Variants in CHL1 observed in about 807,000 individuals in gnomAD.
CHL1 encodes cell adhesion molecule L1 like, also known as neural cell adhesion molecule L1-like protein.
A neutral mutation model predicts 141.9 loss-of-function variants in CHL1; 96 were observed. The observed-to-expected ratio is 0.68, with a 90% confidence interval of 0.57 to 0.80. The LOEUF is 0.80. Ranked by LOEUF, CHL1 falls within the 30% of genes least tolerant of loss-of-function variation. The pLI is 0.00. For missense variants in CHL1, 1,820 were observed against 1,457.2 expected (o/e 1.25, Z -4.05); for synonymous variants, 613 against 502.2 (o/e 1.22, Z -2.95).
intron 9 of CHL1, among the ~76,000 whole-genome samples, chr3:348,022 A>G (rs969094619): frequency 3.3e-5 from 5 of 152,222 alleles, no homozygotes; most frequent in Non-Finnish European, 7.3e-5. Context: ...AATACAAATA[A>G]TTTGAGAATA....
intron 2 of CHL1, among the ~76,000 whole-genome samples, chr3:260,596 G>C (rs536340415): frequency 1.3e-5 from 2 of 152,280 alleles, no homozygotes; most frequent in East Asian, 3.9e-4. Flanking sequence ...ACAGGCACTT[G>C]CAGACTGCCA....
intron 5 of CHL1, among the ~76,000 whole-genome samples, chr3:339,180 A>G (rs1702169133): frequency 1.3e-5 from 2 of 152,242 alleles, no homozygotes; most frequent in African/African-American, 2.4e-5. Flanking sequence ...TACAGCGAAT[A>G]AAACTAAATA....
chr3:238,005 G>A (rs331897), intron 1 of CHL1, among the ~76,000 whole-genome samples: 92,469 of 151,952 alleles, frequency 0.61, 30,072 homozygotes, highest in East Asian at 0.9. Flanking sequence ...ACAAAGTATC[G>A]TATTTTTTCT....
intron 2 of CHL1, chr3:247,643 T>G (rs1410647424): frequency 1.3e-5 from 2 of 152,096 alleles, no homozygotes; most frequent in African/African-American, 4.8e-5. Context: ...TTGGCAGTCT[T>G]GCTAAGAGTT....
intron 2 of CHL1, among the ~76,000 whole-genome samples, chr3:318,147 A>G (rs115258984): frequency 1.8e-3 from 276 of 152,008 alleles, no homozygotes; most frequent in African/African-American, 6.1e-3. Flanking sequence ...CTCAAAGTAA[A>G]GCATAAACAG....
intron 2 of CHL1, among the ~76,000 whole-genome samples, chr3:296,966 G>A (rs968709425): frequency 2.6e-5 from 4 of 152,158 alleles, no homozygotes; most frequent in Non-Finnish European, 5.9e-5. Context: ...AGAAAGAAGA[G>A]TGGGGACATC....
Position 354,788 on chromosome 3 carries a change from A to C in CHL1, c.1165+17A>C. The stretch of plus-strand genomic sequence containing the variant: ...CAGTTGACAGTAAGTTTAAAAACCA[A>C]TTGCAATGCAATGCTGAAGGCCCTG... On this transcript the variant is annotated intron_variant, in intron 11 of 27. Transcript: ENST00000256509. 1.2e-6 allele frequency: 2 copies of C among 1,612,706 alleles called. No homozygotes were observed. The highest frequency in any genetic ancestry group is 1.7e-6 in the Non-Finnish European group (2 of 1,179,248).
At chr3:358,202 G>A (rs1386638795) in intron 11 of CHL1, among the ~76,000 whole-genome samples, 1 of 152,134 alleles carries the variant, frequency 6.6e-6, no homozygotes, top group East Asian at 1.9e-4. Flanking sequence ...GGAAGTGCTT[G>A]GAGAGCATTC....
At chr3:359,023 T>C (rs928392987) in intron 11 of CHL1, among the ~76,000 whole-genome samples, 2 of 147,796 alleles carry the variant, frequency 1.4e-5, no homozygotes, top group Non-Finnish European at 3.0e-5. Context: ...TAATAATATA[T>C]ATTTATATCT....
chr3:250,863 G>T (rs1226827750), intron 2 of CHL1, among the ~76,000 whole-genome samples: 1 of 151,996 alleles, frequency 6.6e-6, no homozygotes, highest in African/African-American at 2.4e-5. Flanking sequence ...CTAATTATAG[G>T]GTGCCCTATT....
chr3:250,690 G>T (rs1693607830), intron 2 of CHL1, among the ~76,000 whole-genome samples: 1 of 152,068 alleles, frequency 6.6e-6, no homozygotes, highest in Non-Finnish European at 1.5e-5. Flanking sequence ...TATTGCCAAA[G>T]TGGCATATTT....
At chr3:348,003 C>G (rs1702910083) in intron 9 of CHL1, among the ~76,000 whole-genome samples, 1 of 152,152 alleles carries the variant, frequency 6.6e-6, no homozygotes, top group Non-Finnish European at 1.5e-5. Context: ...ATTTTAACCA[C>G]AAACTATCAA....
intron 1 of CHL1, among the ~76,000 whole-genome samples, chr3:242,653 C>T (rs1692769137): frequency 6.9e-6 from 1 of 145,910 alleles, no homozygotes; most frequent in African/African-American, 2.5e-5. Context: ...TCTTCATTTA[C>T]AATAAACACT....
Position 314,327 on chromosome 3 carries a change from G to A in CHL1, c.-94-5356G>A, listed in dbSNP as rs1165913232. ...TCTCTCTTTCTCTCTCTCTCTCTAT[G>A]TGTATATATATATATATATATATAT... On this transcript the variant is annotated intron_variant, in intron 2 of 27. Transcript: ENST00000256509. Among the ~76,000 whole-genome samples, 13 of 57,014 alleles carry A rather than the reference G, an allele frequency of 2.3e-4. 1 individual carries two copies. The highest frequency in any genetic ancestry group is 6.8e-4 in the African/African-American group (13 of 19,064). 37.4% of individuals were successfully genotyped at this position (57,014 alleles called of 152,430 possible).
intron 13 of CHL1, among the ~76,000 whole-genome samples, chr3:362,671 G>A (rs1009568830): frequency 6.6e-6 from 1 of 152,054 alleles, no homozygotes; most frequent in Non-Finnish European, 1.5e-5. Flanking sequence ...AAATGTACAG[G>A]GTAAATCAAG....
At chr3:337,993 G>A (rs1010788440) in intron 5 of CHL1, among the ~76,000 whole-genome samples, 99 of 152,224 alleles carry the variant, frequency 6.5e-4, no homozygotes, top group Middle Eastern at 3.4e-3. Flanking sequence ...CCAACAGTTT[G>A]AAAGTGTTCC....
chr3:369,780 C>T (rs543932030), intron 15 of CHL1, among the ~76,000 whole-genome samples: 1 of 152,178 alleles, frequency 6.6e-6, no homozygotes, highest in Non-Finnish European at 1.5e-5. Flanking sequence ...CCATCAATAA[C>T]TAGTTAATTG....
intron 16 of CHL1, among the ~76,000 whole-genome samples, chr3:380,172 G>T (rs1706860974): frequency 6.6e-6 from 1 of 152,156 alleles, no homozygotes. Flanking sequence ...AAAGTCCTCT[G>T]AGCTCAGAGA....
chr3:276,677 C>G (rs1182575393), intron 2 of CHL1, among the ~76,000 whole-genome samples: 1 of 151,788 alleles, frequency 6.6e-6, no homozygotes, highest in African/African-American at 2.4e-5. Context: ...ATCACGAGGT[C>G]AGGAGATTGA....
Sources: allele counts gnomAD v4.1 joint callset (sites outside exome capture counted in the v4.1 genomes callset), GRCh38; gene constraint gnomAD v4.1.1; transcripts MANE v1.5; gene names NCBI Gene and HGNC (gene_info 2026-07-23, HGNC 2026-07-21).